The following DDHD1 variants were observed in gnomAD, a reference collection of about 807,000 sequenced individuals.
DDHD1 encodes the protein phospholipase DDHD1.
In DDHD1, 49 loss-of-function variants were observed where a neutral mutation model predicts 96.4. The observed-to-expected ratio is 0.51, with a 90% CI of 0.40 to 0.64. The LOEUF is 0.64. Among genes scored for constraint, DDHD1 ranks in the 30% least tolerant of loss-of-function variants. The probability of loss-of-function intolerance (pLI) is 0.00; values close to 1 mark genes in which losing one functional copy is unlikely to be tolerated. For synonymous variants in DDHD1, 442 were observed against 446.5 expected (o/e 0.99, Z 0.13); for missense variants, 1,106 against 1,161.2 (o/e 0.95, Z 0.69).
chr14:53,141,523 C>T (rs985461947), intron 1 of DDHD1, among the ~76,000 whole-genome samples: 1 of 152,204 alleles, frequency 6.6e-6, no homozygotes, highest in Non-Finnish European at 1.5e-5. Flanking sequence ...TGTATTTTAA[C>T]AATCTTCCCA....
intron 4 of DDHD1, among the ~76,000 whole-genome samples, chr14:53,083,198 T>C (rs1885644750): frequency 6.6e-6 from 1 of 152,226 alleles, no homozygotes; most frequent in Non-Finnish European, 1.5e-5. Context: ...TTTTGCTTTT[T>C]AAAATTCTTT....
At position 53,152,669 on chromosome 14, in the gene DDHD1, T is replaced by C; in HGVS notation, c.430A>G (p.Lys144Glu). 6.2e-7 allele frequency: 1 copy of C among 1,612,808 alleles called. No homozygotes were observed. Among genetic ancestry groups the C allele is most frequent in the African/African-American group, 1.3e-5 (1 of 74,980 alleles). The change falls in exon 1 of 13, where the codon AAA becomes GAA. Residue 144 changes from lysine to glutamate, a missense_variant. Coordinates refer to ENST00000673822, the MANE Select transcript of DDHD1 (RefSeq NM_001160148.2). The stretch of plus-strand genomic sequence containing the variant: ...GCCGGGCCGCCAAGCCGGGTACGTT[T>C]CCTTTCCCCGGGGGACCCTCCTGTC... ...GATGGSPGER[K>E]RTRLGGPAAR... is the part of the protein sequence containing the mutation.
rs575012756 is a variant in DDHD1, at chr14:53,042,327, G to A, written c.*4441C>T. On this transcript the variant is annotated 3_prime_UTR_variant, in exon 13 of 13. Transcript: ENST00000673822. ...GTTAATATTTGCAGAATATTATTGA[G>A]AAAAGAATGGTCTCTATGCCCCTTC... The A allele has an allele frequency of 6.6e-6, 1 of 152,110 alleles. No individual in the cohort carries two copies. The highest frequency in any genetic ancestry group is 1.9e-4 in the East Asian group (1 of 5,196). 9.4% of individuals were successfully genotyped at this position (152,110 alleles called of 1,614,324 possible). A position where few individuals can be genotyped will look rare whatever the true frequency, so the allele number is the denominator to read the frequency against.
intron 7 of DDHD1, among the ~76,000 whole-genome samples, chr14:53,061,937 G>A (rs1481431273): frequency 6.6e-6 from 1 of 151,350 alleles, no homozygotes; most frequent in African/African-American, 2.4e-5. Context: ...GGGAGACAGG[G>A]GCAGGAGAAT....
intron 2 of DDHD1, among the ~76,000 whole-genome samples, chr14:53,101,303 C>T (rs2139712855): frequency 6.6e-6 from 1 of 152,170 alleles, no homozygotes; most frequent in Non-Finnish European, 1.5e-5. Context: ...ATGTACTACA[C>T]AATTTCCCAT....
intron 4 of DDHD1, among the ~76,000 whole-genome samples, chr14:53,081,227 T>C (rs1289334494): frequency 6.6e-6 from 1 of 152,238 alleles, no homozygotes; most frequent in Non-Finnish European, 1.5e-5. Flanking sequence ...AAAGTTCCTT[T>C]TTTACATCAG....
chr14:53,063,298 A>C, intron 6 of DDHD1, 93 bp from the exon 7 acceptor site: 1 of 1,393,504 alleles, frequency 7.2e-7, no homozygotes, highest in South Asian at 1.4e-5. Flanking sequence ...AGAAAAACAT[A>C]CATTACCGAT....
rs769806406 is a variant in DDHD1, at chr14:53,152,412, G to C, written c.687C>G (p.Asp229Glu). The stretch of plus-strand genomic sequence containing the variant: ...AGAAGCCGCAGGCGCGGTCCTCATC[G>C]TCATCTTCTCCGGAACTGGAGGCTG... ...TGPASSSGED[D>E]DEDRACGFCQ... Residue 229 changes from aspartate to glutamate, a missense_variant, in exon 1 of 13, where the codon GAC (aspartate) becomes GAG (glutamate). Asp to Glu is a conservative substitution (Grantham distance 45). Around this residue, in one of 2 missense-constraint regions of DDHD1, gnomAD observed 456 missense variants for 402.4 expected, o/e 1.13. Transcript: ENST00000673822. 2 of 1,613,828 alleles carry C rather than the reference G, an allele frequency of 1.2e-6. No individual in the cohort carries two copies. The highest frequency in any genetic ancestry group is 1.7e-6 in the Non-Finnish European group (2 of 1,179,958).
intron 4 of DDHD1, among the ~76,000 whole-genome samples, chr14:53,080,233 C>T (rs1364752305): frequency 6.6e-6 from 1 of 152,106 alleles, no homozygotes; most frequent in Non-Finnish European, 1.5e-5. Flanking sequence ...TGGTGGTGTG[C>T]ACCTGTAGTC....
At chr14:53,144,416 T>C (rs1318647720) in intron 1 of DDHD1, among the ~76,000 whole-genome samples, 4 of 152,218 alleles carry the variant, frequency 2.6e-5, no homozygotes, top group African/African-American at 9.6e-5. Flanking sequence ...GATAGCCACA[T>C]TGGAAGAATA....
At chr14:53,051,699 T>G in intron 12 of DDHD1, 145 bp downstream of exon 12, 1 of 636,084 alleles carries the variant, frequency 1.6e-6, no homozygotes, top group East Asian at 2.8e-5. Flanking sequence ...AAATATGGGA[T>G]GAAAATACAC....
chr14:53,054,392 T>G, intron 11 of DDHD1, 46 bp downstream of exon 11: 1 of 1,566,976 alleles, frequency 6.4e-7, no homozygotes, highest in Non-Finnish European at 8.7e-7. Context: ...TCCCCAAGTT[T>G]TAAAAAGATA....
intron 1 of DDHD1, among the ~76,000 whole-genome samples, chr14:53,126,231 A>T (rs1189414154): frequency 6.6e-6 from 1 of 152,232 alleles, no homozygotes; most frequent in Admixed American, 6.5e-5. Flanking sequence ...CAAATTATGT[A>T]TATATATTAT....
chr14:53,141,852 T>C (rs1451304226), intron 1 of DDHD1, among the ~76,000 whole-genome samples: 1 of 152,194 alleles, frequency 6.6e-6, no homozygotes, highest in East Asian at 1.9e-4. Flanking sequence ...TTATCAAGTA[T>C]AGGCTGAAGT....
intron 3 of DDHD1, 112 bp downstream of exon 3, chr14:53,093,204 A>T: frequency 8.8e-7 from 1 of 1,137,598 alleles, no homozygotes; most frequent in Non-Finnish European, 1.2e-6. Flanking sequence ...CTGTCACTAA[A>T]TTTAATATAC....
At chr14:53,127,812 A>C (rs1158097991) in intron 1 of DDHD1, among the ~76,000 whole-genome samples, 1 of 152,222 alleles carries the variant, frequency 6.6e-6, no homozygotes. Flanking sequence ...TTTTTATGTG[A>C]AAATAGATCC....
intron 1 of DDHD1, among the ~76,000 whole-genome samples, chr14:53,124,383 C>A (rs1398562477): frequency 1.3e-5 from 2 of 152,042 alleles, no homozygotes; most frequent in African/African-American, 4.8e-5. Context: ...TAGCTAGAAA[C>A]TGTAATCTAA....
chr14:53,039,719 A>T lies in DDHD1; in HGVS notation c.*7049T>A, dbSNP rs1321080963. The T allele has an allele frequency of 6.6e-6, 1 of 152,462 alleles. No homozygotes were observed. The highest frequency in any genetic ancestry group is 1.5e-5 in the Non-Finnish European group (1 of 68,146). The allele number at this position is 152,462 out of a possible 1,614,324, so 9.4% of individuals were successfully genotyped here. On this transcript the variant is annotated 3_prime_UTR_variant, in exon 13 of 13. Transcript: ENST00000673822. ...TTTGATTGTTGAAGGTAGGCAGTGGAGAAGCAGGCAGGAGAGTCAGGTTGG... is the reference window on the plus strand; with the variant it reads ...TTTGATTGTTGAAGGTAGGCAGTGGTGAAGCAGGCAGGAGAGTCAGGTTGG...
At chr14:53,133,230 G>T (rs574747190) in intron 1 of DDHD1, among the ~76,000 whole-genome samples, 12 of 152,144 alleles carry the variant, frequency 7.9e-5, no homozygotes, top group Non-Finnish European at 1.5e-4. Context: ...CCCTGCCCAG[G>T]ACTGGCAAAT....
Sources: gnomAD v4.1 joint callset for allele counts (sites outside exome capture counted in the v4.1 genomes callset) on GRCh38, gnomAD v4.1.1 for gene constraint, gnomAD v4.1.1 regional missense constraint, MANE v1.5 for transcripts, NCBI Gene and HGNC (gene_info 2026-07-23, HGNC 2026-07-21) for gene names.